CADM1: variants seen among roughly 807,000 people sequenced by gnomAD.
CADM1 encodes TSLC-1.
CADM1 carries 15 observed loss-of-function variants against 53.1 expected under a neutral mutation model. The ratio of observed to expected loss-of-function variants is 0.28; its 90% CI spans 0.19 to 0.44. The LOEUF is 0.44. CADM1 is among the 20% of genes least tolerant of loss of function. The pLI, the probability that CADM1 is intolerant of heterozygous loss-of-function variation, is 1.00. For synonymous variants in CADM1, 281 were observed against 243.0 expected, an observed-to-expected ratio of 1.16 and a Z score of -1.45; for missense variants, 434 against 611.3, an observed-to-expected ratio of 0.71 and a Z score of 3.06.
In CADM1 at chr11:115,238,453, C is replaced by T. The variant is rs767055181; in HGVS notation, c.424+47G>A. 5 of 1,591,190 alleles carry T rather than the reference C, an allele frequency of 3.1e-6. No homozygotes were observed. In the East Asian group the frequency reaches 8.9e-5, roughly 28 times the overall value. ...CCTTTTCCTTGCTGCTGTAAAAGGG[C>T]CATCTCTATTCCATTTCCCCGGGTA... On this transcript the variant is annotated intron_variant, in intron 3 of 11. Coordinates refer to ENST00000331581, the MANE Select transcript of CADM1 (RefSeq NM_001301043.2).
intron 1 of CADM1, among the ~76,000 whole-genome samples, chr11:115,378,250 T>G (rs1455018147): frequency 6.6e-6 from 1 of 152,166 alleles, no homozygotes; most frequent in African/African-American, 2.4e-5. Flanking sequence ...TCCTCAGGAC[T>G]AACAGATCAT....
At chr11:115,477,594 T>G (rs1949163979) in intron 1 of CADM1, among the ~76,000 whole-genome samples, 2 of 152,244 alleles carry the variant, frequency 1.3e-5, no homozygotes, top group Non-Finnish European at 2.9e-5. Context: ...ACAGTAAACT[T>G]CACAGCAAGG....
chr11:115,215,469 A>C (rs1220486220), intron 6 of CADM1, among the ~76,000 whole-genome samples: 1 of 152,016 alleles, frequency 6.6e-6, no homozygotes, highest in African/African-American at 2.4e-5. Flanking sequence ...CAAGGCCTGC[A>C]TATTGTGAGA....
intron 1 of CADM1, among the ~76,000 whole-genome samples, chr11:115,269,396 C>T (rs184985198): frequency 2.1e-3 from 314 of 152,266 alleles, no homozygotes; most frequent in Middle Eastern, 3.4e-3. Context: ...CAGCACGCTT[C>T]GATGCCCTCT....
chr11:115,271,122 G>A (rs1240366775), intron 1 of CADM1, among the ~76,000 whole-genome samples: 2 of 152,158 alleles, frequency 1.3e-5, no homozygotes, highest in Non-Finnish European at 2.9e-5. Flanking sequence ...TTAAACATCC[G>A]AGATAGGTCC....
intron 10 of CADM1, among the ~76,000 whole-genome samples, chr11:115,189,860 A>G (rs12099155): frequency 0.021 from 3,265 of 152,336 alleles, 110 homozygotes; most frequent in African/African-American, 0.074. Flanking sequence ...TACAGGCTAC[A>G]TAACAGCAAA....
At chr11:115,425,864 G>A (rs1331231783) in intron 1 of CADM1, among the ~76,000 whole-genome samples, 2 of 152,342 alleles carry the variant, frequency 1.3e-5, no homozygotes, top group African/African-American at 4.8e-5. Context: ...ACGTGACCAT[G>A]AAGGGAACTT....
intron 1 of CADM1, among the ~76,000 whole-genome samples, chr11:115,321,144 G>A (rs951131876): frequency 3.3e-5 from 5 of 152,140 alleles, no homozygotes; most frequent in Admixed American, 1.3e-4. Flanking sequence ...CAGCCTTCAA[G>A]TAATTCAGTT....
At position 115,194,512 on chromosome 11, in the gene CADM1, C is replaced by T. The variant is rs79792762; in HGVS notation, c.1112-3571G>A. On this transcript the variant is annotated intron_variant, in intron 9 of 11. Transcript: ENST00000331581. ...ATTCTTCAGAGGGGTTTCCAGTTTG[C>T]GTCTTACCACAATTGCATACTGAAT... is the stretch of plus-strand genomic sequence containing the variant. Among the ~76,000 whole-genome samples the T allele has an allele frequency of 1.1e-4, 16 of 152,172 alleles. No individual in the cohort carries two copies. In the East Asian group the frequency reaches 1.2e-3, roughly 11 times the overall value.
intron 4 of CADM1, among the ~76,000 whole-genome samples, chr11:115,230,333 A>G (rs1941771483): frequency 6.6e-6 from 1 of 152,214 alleles, no homozygotes. Flanking sequence ...AGTATTAGCT[A>G]AATACTTTAC....
At chr11:115,218,287 C>G in intron 5 of CADM1, 1 of 406,856 alleles carries the variant, frequency 2.5e-6, no homozygotes, top group East Asian at 5.7e-5. Flanking sequence ...CTCACTCAAG[C>G]TAAAGGAAAC....
intron 1 of CADM1, among the ~76,000 whole-genome samples, chr11:115,316,708 C>T (rs1373678410): frequency 2.0e-5 from 3 of 152,074 alleles, no homozygotes; most frequent in Non-Finnish European, 1.5e-5. Context: ...GATACAAATG[C>T]CAAAAATCTC....
At chr11:115,304,730 C>T (rs979751115) in intron 1 of CADM1, among the ~76,000 whole-genome samples, 7 of 151,810 alleles carry the variant, frequency 4.6e-5, no homozygotes, top group South Asian at 2.1e-4. Flanking sequence ...CTGTTACATA[C>T]GCTTATAAAT....
chr11:115,458,934 C>T (rs375520542), intron 1 of CADM1, among the ~76,000 whole-genome samples: 1 of 152,148 alleles, frequency 6.6e-6, no homozygotes, highest in East Asian at 1.9e-4. Context: ...CCCCTTTTCA[C>T]TTCATCTTTG....
At chr11:115,249,943 T>C (rs991542471) in intron 1 of CADM1, among the ~76,000 whole-genome samples, 54 of 148,312 alleles carry the variant, frequency 3.6e-4, no homozygotes, top group South Asian at 1.3e-3. Flanking sequence ...CTCCCTCTGT[T>C]GCCCAGGCTG....
At position 115,174,965 on chromosome 11, in the gene CADM1, T is replaced by A. The variant is rs1938956625; in HGVS notation, c.*1509A>T. 1 of 985,780 alleles carries A rather than the reference T, an allele frequency of 1.0e-6. No individual in the cohort carries two copies. Among genetic ancestry groups the A allele is most frequent in the Non-Finnish European group, 1.2e-6 (1 of 829,914 alleles). 61.1% of individuals were successfully genotyped at this position (985,780 alleles called of 1,614,324 possible). A position where few individuals can be genotyped will look rare whatever the true frequency, so the allele number is the denominator to read the frequency against. On this transcript the variant is annotated 3_prime_UTR_variant, in exon 12 of 12. Transcript: ENST00000331581. The stretch of plus-strand genomic sequence containing the variant: ...CTCTACCTTTTCCCGAGGCTCCCCA[T>A]CTAAGATATGTTCAAGGTCACTGAT...
chr11:115,426,036 G>A lies in CADM1; in HGVS notation c.124+78235C>T, dbSNP rs144470191. On this transcript the variant is annotated intron_variant, in intron 1 of 11. Transcript: ENST00000331581. ...CGCTCTGCGGGAACAGATGCAGCCCGACCTAAGACACTGAAGGACTCAGGT... is the reference window on the plus strand; with the variant it reads ...CGCTCTGCGGGAACAGATGCAGCCCAACCTAAGACACTGAAGGACTCAGGT... Among the ~76,000 whole-genome samples the A allele has an allele frequency of 1.5e-3, 228 of 152,252 alleles. 1 individual carries two copies. The highest frequency in any genetic ancestry group is 4.5e-3 in the African/African-American group (187 of 41,542).
At chr11:115,474,060 C>T (rs192503693) in intron 1 of CADM1, among the ~76,000 whole-genome samples, 3 of 151,684 alleles carry the variant, frequency 2.0e-5, no homozygotes, top group East Asian at 3.9e-4. Flanking sequence ...TTTGCGAGGC[C>T]GAGGTGGGCG....
At chr11:115,282,530 A>G (rs745758928) in intron 1 of CADM1, among the ~76,000 whole-genome samples, 5 of 152,226 alleles carry the variant, frequency 3.3e-5, no homozygotes, top group Non-Finnish European at 5.9e-5. Context: ...TCTTATCACA[A>G]CACTATAAAA....
Sources: allele counts gnomAD v4.1 joint callset (sites outside exome capture counted in the v4.1 genomes callset), GRCh38; gene constraint gnomAD v4.1.1; transcripts MANE v1.5; gene names NCBI Gene and HGNC (gene_info 2026-07-23, HGNC 2026-07-21).